Variants in PLB1 observed in about 807,000 individuals in gnomAD.
PLB1 encodes the protein phospholipase B1, membrane-associated.
A neutral mutation model predicts 227.4 loss-of-function variants in PLB1; 242 were observed. The ratio of observed to expected loss-of-function variants is 1.06; its 90% CI spans 0.96 to 1.18. The LOEUF is 1.18. Among genes scored for constraint, PLB1 ranks in the 50% most tolerant of loss-of-function variants. The pLI, the probability that PLB1 is intolerant of heterozygous loss-of-function variation, is 0.00. For missense variants in PLB1, 1,858 were observed against 1,816.3 expected (o/e 1.02, Z -0.42); for synonymous variants, 757 against 682.2 (o/e 1.11, Z -1.71).
In PLB1 at chr2:28,632,092, G is replaced by C; in HGVS notation, c.3954G>C (p.Ala1318=). ...WHQYTQREDF[A]VVVQPFFQNT... is the part of the protein sequence containing the mutation. Reference sequence around the variant, plus strand: ...AATACACACAGCGTGAGGACTTTGCGGTTGTGGTGCAGCCTTTCTTCCAAA... The same window carrying C: ...AATACACACAGCGTGAGGACTTTGCCGTTGTGGTGCAGCCTTTCTTCCAAA... The change falls in exon 55 of 58, where the codon GCG becomes GCC. Residue 1318 remains alanine (A), a synonymous_variant. Transcript: ENST00000327757. 6.2e-7 allele frequency: 1 copy of C among 1,614,156 alleles called. No individual in the cohort carries two copies. Among genetic ancestry groups the C allele is most frequent in the Non-Finnish European group, 8.5e-7 (1 of 1,180,008 alleles).
Position 28,538,490 on chromosome 2 carries a change from C to T in PLB1, c.618+109C>T, listed in dbSNP as rs554212387. The T allele has an allele frequency of 3.2e-5, 32 of 1,003,652 alleles. No homozygotes were observed. In the East Asian group the frequency reaches 5.2e-4, roughly 16 times the overall value. 62.2% of individuals were successfully genotyped at this position (1,003,652 alleles called of 1,614,324 possible). A position where few individuals can be genotyped will look rare whatever the true frequency, so the allele number is the denominator to read the frequency against. On this transcript the variant is annotated intron_variant, in intron 10 of 57. Coordinates refer to ENST00000327757, the MANE Select transcript of PLB1 (RefSeq NM_153021.5). ...CCCCTGTGAGGGAGACTGGGACCCT[C>T]GGGAAAGGGGAAACTTTAGAGCACC...
chr2:28,517,222 G>T (rs766748104), intron 2 of PLB1, among the ~76,000 whole-genome samples: 15 of 152,220 alleles, frequency 9.9e-5, no homozygotes, highest in Non-Finnish European at 1.8e-4. Context: ...AGAGCTGAGA[G>T]TAAATGCTGT....
chr2:28,544,099 C>T (rs185352412), intron 14 of PLB1, among the ~76,000 whole-genome samples: 2 of 152,262 alleles, frequency 1.3e-5, no homozygotes, highest in Non-Finnish European at 2.9e-5. Context: ...TGTTGAGTAC[C>T]AGGGACAGCT....
At chr2:28,622,777 T>G (rs570596153) in intron 49 of PLB1, among the ~76,000 whole-genome samples, 5 of 152,106 alleles carry the variant, frequency 3.3e-5, no homozygotes, top group African/African-American at 1.2e-4. Flanking sequence ...TCCCAGCTAC[T>G]CGGGAGGCTG....
intron 1 of PLB1, among the ~76,000 whole-genome samples, chr2:28,504,777 C>A (rs1426837874): frequency 2.0e-5 from 3 of 152,060 alleles, no homozygotes; most frequent in Non-Finnish European, 4.4e-5. Context: ...AACAAAAATT[C>A]ATTTTGAAAT....
At chr2:28,612,018 T>C (rs36041226) in intron 43 of PLB1, among the ~76,000 whole-genome samples, 18,056 of 152,020 alleles carry the variant, frequency 0.12, 1,253 homozygotes, top group African/African-American at 0.18. Flanking sequence ...TGGTGGCAGG[T>C]GCCTGTAGTC....
intron 18 of PLB1, 43 bp from the exon 19 acceptor site, chr2:28,565,237 T>C: frequency 6.4e-7 from 1 of 1,559,022 alleles, no homozygotes; most frequent in Non-Finnish European, 8.8e-7. Context: ...GGTGGGCCAC[T>C]GGGGAAAGCA....
Position 28,591,141 on chromosome 2 carries a change from G to C in PLB1, c.2097G>C (p.Pro699=). Reference sequence around the variant, plus strand: ...CCCCCCTCTCCTCACAGGTCCAGCCGTTTCTGAGGACCTACAAGAACAGCA... The same window carrying C: ...CCCCCCTCTCCTCACAGGTCCAGCCCTTTCTGAGGACCTACAAGAACAGCA... The part of the protein sequence containing the change: ...INITCPNQVQ[P]FLRTYKNSMQ... The change falls in exon 30 of 58, where the codon CCG becomes CCC. Residue 699 remains proline, a synonymous_variant. Coordinates refer to ENST00000327757, the MANE Select transcript of PLB1 (RefSeq NM_153021.5). 9.9e-6 allele frequency: 16 copies of C among 1,614,172 alleles called. No individual in the cohort carries two copies. Among genetic ancestry groups the C allele is most frequent in the Non-Finnish European group, 1.3e-5 (15 of 1,180,020 alleles).
At chr2:28,614,847 T>C (rs1685969080) in intron 44 of PLB1, among the ~76,000 whole-genome samples, 1 of 152,200 alleles carries the variant, frequency 6.6e-6, no homozygotes, top group African/African-American at 2.4e-5. Flanking sequence ...TTCACAATTA[T>C]TGAGCACATA....
intron 20 of PLB1, among the ~76,000 whole-genome samples, chr2:28,571,179 A>G (rs144913263): frequency 2.1e-3 from 313 of 152,354 alleles, no homozygotes; most frequent in African/African-American, 7.2e-3. Context: ...TCTTTATACT[A>G]GCAATTAATA....
chr2:28,602,049 C>T (rs1684001566), intron 38 of PLB1, 85 bp downstream of exon 38: 1 of 1,298,372 alleles, frequency 7.7e-7, no homozygotes, highest in Non-Finnish European at 1.1e-6. Flanking sequence ...AGAGAAGAAC[C>T]CCTTTCTCTC....
intron 31 of PLB1, among the ~76,000 whole-genome samples, chr2:28,592,393 A>C (rs1573251299): frequency 4.1e-4 from 56 of 138,134 alleles, no homozygotes; most frequent in African/African-American, 5.9e-4. Flanking sequence ...CCTTCCCTCC[A>C]TCTCTCCTTC....
At chr2:28,529,619 G>A (rs1572776976) in intron 7 of PLB1, 109 bp from the exon 8 acceptor site, 1 of 1,191,832 alleles carries the variant, frequency 8.4e-7, no homozygotes, top group Non-Finnish European at 1.2e-6. Flanking sequence ...GAAGCCAGGG[G>A]TGGATAAAGC....
At chr2:28,587,499 A>G (rs1389591911) in intron 26 of PLB1, among the ~76,000 whole-genome samples, 3 of 151,990 alleles carry the variant, frequency 2.0e-5, no homozygotes, top group African/African-American at 7.2e-5. Flanking sequence ...AGCCTCAGCT[A>G]CTCGGGAGGC....
chr2:28,620,352 A>T lies in PLB1; in HGVS notation c.3383+20A>T. The T allele has an allele frequency of 6.3e-7, 1 of 1,578,916 alleles. No individual in the cohort carries two copies. On this transcript the variant is annotated intron_variant, in intron 47 of 57. Coordinates refer to ENST00000327757, the MANE Select transcript of PLB1 (RefSeq NM_153021.5). Reference sequence around the variant, plus strand: ...TTGGAGGTGAGGATGTTCTTGATGCATGCTCTATTGATGATGCTCTCTCAG... The same window carrying T: ...TTGGAGGTGAGGATGTTCTTGATGCTTGCTCTATTGATGATGCTCTCTCAG...
intron 43 of PLB1, among the ~76,000 whole-genome samples, chr2:28,611,878 C>T (rs61483156): frequency 0.026 from 3,884 of 152,184 alleles, 171 homozygotes; most frequent in African/African-American, 0.089. Flanking sequence ...CAGTGGCTCA[C>T]GTCTGTAACC....
intron 1 of PLB1, among the ~76,000 whole-genome samples, chr2:28,514,317 A>G (rs1668593518): frequency 6.6e-6 from 1 of 152,186 alleles, no homozygotes; most frequent in Admixed American, 6.5e-5. Context: ...TTCTTTTGCC[A>G]GTCACACTGT....
At chr2:28,550,701 C>A (rs534510593) in intron 16 of PLB1, among the ~76,000 whole-genome samples, 1 of 151,268 alleles carries the variant, frequency 6.6e-6, no homozygotes, top group East Asian at 2.0e-4. Flanking sequence ...ACACCACACC[C>A]GGCTATTTTT....
chr2:28,542,181 G>A (rs964155684), intron 13 of PLB1, among the ~76,000 whole-genome samples: 1 of 150,746 alleles, frequency 6.6e-6, no homozygotes, highest in Non-Finnish European at 1.5e-5. Context: ...GGAGGCCTGG[G>A]CCATACATCT....
Sources: gnomAD v4.1 joint callset for allele counts (sites outside exome capture counted in the v4.1 genomes callset) on GRCh38, gnomAD v4.1.1 for gene constraint, MANE v1.5 for transcripts, NCBI Gene and HGNC (gene_info 2026-07-23, HGNC 2026-07-21) for gene names.